The following RBFOX1 variants were observed in gnomAD, a reference collection of about 807,000 sequenced individuals.
RBFOX1 encodes RNA binding protein fox-1 homolog 1.
Under a neutral mutation model 57.7 loss-of-function variants are expected in RBFOX1, and 8 were observed. The ratio of observed to expected loss-of-function variants is 0.14; its 90% CI spans 0.08 to 0.25. The LOEUF (loss-of-function observed/expected upper bound fraction) is 0.25. Ranked by LOEUF, RBFOX1 falls within the 10% of genes least tolerant of loss-of-function variation. The pLI is 1.00. For missense variants in RBFOX1, 611 were observed against 548.5 expected (o/e 1.11, Z -1.14); for synonymous variants, 326 against 222.4 (o/e 1.47, Z -4.15).
At chr16:6,545,640 G>A (rs1029855913) in intron 2 of RBFOX1, among the ~76,000 whole-genome samples, 1 of 152,160 alleles carries the variant, frequency 6.6e-6, no homozygotes, top group Non-Finnish European at 1.5e-5. Flanking sequence ...CAGATTTATT[G>A]ATGTGGTGCT....
intron 4 of RBFOX1, among the ~76,000 whole-genome samples, chr16:7,419,284 C>G (rs1241911055): frequency 6.6e-6 from 1 of 152,114 alleles, no homozygotes; most frequent in African/African-American, 2.4e-5. Flanking sequence ...CCTGTTGTTC[C>G]TCTTCAATCA....
intron 2 of RBFOX1, among the ~76,000 whole-genome samples, chr16:6,558,895 T>C (rs1318951998): frequency 1.3e-5 from 2 of 150,814 alleles, no homozygotes; most frequent in Admixed American, 6.6e-5. Context: ...TTCTGCTCCC[T>C]CTGTCTGGAA....
intron 3 of RBFOX1, among the ~76,000 whole-genome samples, chr16:6,713,229 C>T (rs2064071013): frequency 6.6e-6 from 1 of 151,316 alleles, no homozygotes; most frequent in South Asian, 2.1e-4. Context: ...TAATCTTTTC[C>T]TTCTCACATG....
chr16:5,892,778 G>C (rs1439455208), intron 4 of RBFOX1, among the ~76,000 whole-genome samples: 2 of 152,180 alleles, frequency 1.3e-5, no homozygotes, highest in African/African-American at 4.8e-5. Context: ...AACAGCATGT[G>C]CAAAGGCCAA....
At chr16:6,466,790 G>A (rs2095059096) in intron 2 of RBFOX1, among the ~76,000 whole-genome samples, 1 of 152,042 alleles carries the variant, frequency 6.6e-6, no homozygotes, top group African/African-American at 2.4e-5. Context: ...GTCAGAATCT[G>A]GTAGTGCAGC....
At position 6,910,113 on chromosome 16, in the gene RBFOX1, G is replaced by A. The variant is rs2071170319; in HGVS notation, c.-15-141944G>A. ...CCACCCTGGACCACGGAAAACCTTGGTAGCGTGCAAAGAGATTGGGCATTC... is the reference window on the plus strand; with the variant it reads ...CCACCCTGGACCACGGAAAACCTTGATAGCGTGCAAAGAGATTGGGCATTC... On this transcript the variant is annotated intron_variant, in intron 3 of 15. Transcript: ENST00000550418. Among the ~76,000 whole-genome samples, 7 of 151,986 alleles carry A rather than the reference G, an allele frequency of 4.6e-5. No individual in the cohort carries two copies. In the South Asian group the frequency reaches 1.5e-3, roughly 32 times the overall value.
chr16:5,790,851 G>C (rs974192401), intron 3 of RBFOX1, among the ~76,000 whole-genome samples: 2 of 148,868 alleles, frequency 1.3e-5, no homozygotes, highest in African/African-American at 2.5e-5. Flanking sequence ...TGTAGATGGT[G>C]GGTCTTTATT....
At chr16:7,085,486 A>G (rs2059851485) in intron 4 of RBFOX1, among the ~76,000 whole-genome samples, 1 of 152,216 alleles carries the variant, frequency 6.6e-6, no homozygotes, top group South Asian at 2.1e-4. Context: ...ATTTGCTGGC[A>G]TGGATTTGAC....
chr16:5,900,713 G>T (rs1426644902), intron 4 of RBFOX1, among the ~76,000 whole-genome samples: 1 of 152,148 alleles, frequency 6.6e-6, no homozygotes, highest in Non-Finnish European at 1.5e-5. Context: ...GGTTCTTGGG[G>T]ACCTGGCGGC....
intron 4 of RBFOX1, among the ~76,000 whole-genome samples, chr16:7,423,414 T>C (rs539070605): frequency 4.4e-4 from 67 of 152,190 alleles, no homozygotes; most frequent in Non-Finnish European, 6.6e-4. Context: ...GCTGTCATAC[T>C]AAAAGATATT....
At chr16:7,443,044 C>T (rs911513013) in intron 4 of RBFOX1, among the ~76,000 whole-genome samples, 1 of 152,164 alleles carries the variant, frequency 6.6e-6, no homozygotes, top group Non-Finnish European at 1.5e-5. Flanking sequence ...CTTTGGGCAG[C>T]CCCATTCGTA....
intron 3 of RBFOX1, among the ~76,000 whole-genome samples, chr16:5,691,035 G>C (rs988022993): frequency 2.6e-5 from 4 of 152,120 alleles, no homozygotes; most frequent in South Asian, 2.1e-4. Context: ...TTTGAGTACA[G>C]TGACACAGAG....
chr16:5,243,620 T>G (rs542756711), intron 1 of RBFOX1, among the ~76,000 whole-genome samples: 4 of 152,268 alleles, frequency 2.6e-5, no homozygotes, highest in Non-Finnish European at 5.9e-5. Context: ...CGGTTTCAAA[T>G]GCCATGGAGC....
chr16:6,866,042 A>T (rs1451643774), intron 3 of RBFOX1, among the ~76,000 whole-genome samples: 1 of 152,186 alleles, frequency 6.6e-6, no homozygotes, highest in Non-Finnish European at 1.5e-5. Flanking sequence ...TGCATCTGGA[A>T]AGAAAAGAGT....
intron 2 of RBFOX1, among the ~76,000 whole-genome samples, chr16:6,549,000 T>C (rs2096933475): frequency 6.7e-6 from 1 of 149,346 alleles, no homozygotes; most frequent in African/African-American, 2.5e-5. Context: ...ACTTGAACCC[T>C]GGAGGTGGAG....
chr16:7,699,077 T>G (rs1568536375), intron 14 of RBFOX1, among the ~76,000 whole-genome samples: 1 of 152,154 alleles, frequency 6.6e-6, no homozygotes, highest in Admixed American at 6.5e-5. Flanking sequence ...GCCCCTGAGA[T>G]TCTGATTCAT....
chr16:7,419,967 A>G (rs2098524824), intron 4 of RBFOX1, among the ~76,000 whole-genome samples: 1 of 141,674 alleles, frequency 7.1e-6, no homozygotes, highest in Admixed American at 7.3e-5. Context: ...TGGAAGAATA[A>G]GTATGGTTTT....
intron 3 of RBFOX1, among the ~76,000 whole-genome samples, chr16:6,692,599 G>T (rs2060358053): frequency 6.6e-6 from 1 of 150,740 alleles, no homozygotes; most frequent in Non-Finnish European, 1.5e-5. Flanking sequence ...AATTTTTGTT[G>T]TCCTCCTTCC....
chr16:5,513,266 G>C (rs569873541), intron 2 of RBFOX1, among the ~76,000 whole-genome samples: 1 of 152,200 alleles, frequency 6.6e-6, no homozygotes, highest in African/African-American at 2.4e-5. Context: ...ATCTTGGTCA[G>C]GTATGTTGTA....
Sources: allele counts gnomAD v4.1 joint callset (sites outside exome capture counted in the v4.1 genomes callset), GRCh38; gene constraint gnomAD v4.1.1; transcripts MANE v1.5; gene names NCBI Gene and HGNC (gene_info 2026-07-23, HGNC 2026-07-21).